Variants in KCNN1 observed in about 807,000 individuals in gnomAD.
KCNN1 encodes small conductance calcium-activated potassium channel protein 1.
KCNN1 carries 20 observed loss-of-function variants against 44.7 expected under a neutral mutation model. The ratio of observed to expected loss-of-function variants is 0.45; its 90% confidence interval spans 0.32 to 0.65. The LOEUF is 0.65. Among genes scored for constraint, KCNN1 ranks in the 30% least tolerant of loss-of-function variants. The pLI is 0.05. For synonymous variants in KCNN1, 324 were observed against 341.7 expected (o/e 0.95, Z 0.57); for missense variants, 632 against 785.3 (o/e 0.80, Z 2.33).
In KCNN1 at chr19:17,974,167, G is replaced by C; in HGVS notation, c.279G>C (p.Leu93=). ...SGKPSNVGHR[L]GHRRALFEKR... ...AACCCTCAAATGTGGGCCACCGCCT[G>C]GGCCACCGGCGGGCGCTCTTCGAGA... The change falls in exon 2 of 10, where the codon CTG becomes CTC. Residue 93 remains leucine, a synonymous_variant. Coordinates refer to ENST00000684775, the MANE Select transcript of KCNN1 (RefSeq NM_001386974.1). This position sits in a 1 kb window ranked among gnomAD's most constrained non-coding sequence, Gnocchi z 7.3. 3 of 1,613,706 alleles carry C rather than the reference G, an allele frequency of 1.9e-6. No homozygotes were observed. The highest frequency in any genetic ancestry group is 2.5e-6 in the Non-Finnish European group (3 of 1,179,880).
intron 4 of KCNN1, among the ~76,000 whole-genome samples, chr19:17,982,351 G>A (rs2032447508): frequency 6.6e-6 from 1 of 152,008 alleles, no homozygotes; most frequent in Admixed American, 6.6e-5. Context: ...CCCTCAACCA[G>A]GGAGGGACCC....
chr19:17,953,708 G>GA (rs2145895121), intron 1 of KCNN1, among the ~76,000 whole-genome samples: 1 of 152,300 alleles, frequency 6.6e-6, no homozygotes, highest in Non-Finnish European at 1.5e-5. Context: ...TTGGAAGGGC[G>GA]AGGCAAGCTC....
intron 2 of KCNN1, among the ~76,000 whole-genome samples, chr19:17,957,180 A>AGAGGAGAGGG (rs1263469723): frequency 1.9e-5 from 2 of 103,930 alleles, no homozygotes; most frequent in African/African-American, 3.7e-5. Flanking sequence ...AGAGGGGAGG[A>AGAGGAGAGGG]GAGGAGAGGG....
At chr19:17,963,268 C>T (rs2031725976), upstream of KCNN1, among the ~76,000 whole-genome samples, 1 of 151,192 alleles carries the variant, frequency 6.6e-6, no homozygotes, top group Non-Finnish European at 1.5e-5. Flanking sequence ...CTGCCTCAGC[C>T]TCCCAAAGTG....
upstream of KCNN1, among the ~76,000 whole-genome samples, chr19:17,964,535 G>A (rs752244948): frequency 1.2e-4 from 18 of 152,334 alleles, no homozygotes; most frequent in South Asian, 2.1e-4. This position sits in a 1 kb window ranked among gnomAD's most constrained non-coding sequence, Gnocchi z 4.3. Context: ...CATGAGTCCC[G>A]GGGGCGTCTT....
chr19:17,961,185 CAAAAAAA>C (rs202142379), intron 2 of KCNN1, among the ~76,000 whole-genome samples: 2 of 91,394 alleles, frequency 2.2e-5, no homozygotes, highest in Admixed American at 2.5e-4. Context: ...GACTCTGACT[CAAAAAAA>C]AAAAAAAAAA....
At chr19:17,984,268 A>G (rs574568289) in intron 4 of KCNN1, among the ~76,000 whole-genome samples, 1 of 152,162 alleles carries the variant, frequency 6.6e-6, no homozygotes, top group Admixed American at 6.5e-5. Context: ...GCGGGAGTGA[A>G]GACCCCCAAA....
At chr19:17,958,688 G>T (rs1038184569) in intron 2 of KCNN1, among the ~76,000 whole-genome samples, 55 of 148,480 alleles carry the variant, frequency 3.7e-4, no homozygotes, top group Admixed American at 2.7e-4. Flanking sequence ...ATTTTCAATT[G>T]TATTTATTTA....
intron 4 of KCNN1, chr19:17,982,503 T>C: frequency 1.0e-6 from 1 of 971,228 alleles, no homozygotes; most frequent in Non-Finnish European, 1.2e-6. Context: ...CCGTCCCCTC[T>C]GTCTCCCATC....
Position 17,993,660 on chromosome 19 carries a change from T to C in KCNN1, c.1377+101T>C. The C allele has an allele frequency of 2.1e-6, 2 of 953,370 alleles. No homozygotes were observed. The highest frequency in any genetic ancestry group is 3.4e-6 in the Non-Finnish European group (2 of 590,578). 59.1% of individuals were successfully genotyped at this position (953,370 alleles called of 1,614,324 possible). ...GCCGGAGGAGGGCACAAGGACCCGC[T>C]GTGGGCTGAGTGCAGTGGCGGGCGG... On this transcript the variant is annotated intron_variant, in intron 9 of 9. Coordinates refer to ENST00000684775, the MANE Select transcript of KCNN1 (RefSeq NM_001386974.1). The surrounding 1 kb of genome is among the most constrained non-coding windows in gnomAD (Gnocchi z 4.5).
chr19:17,985,902 TC>T (rs1340584428), intron 5 of KCNN1, among the ~76,000 whole-genome samples: 1 of 152,182 alleles, frequency 6.6e-6, no homozygotes, highest in African/African-American at 2.4e-5. Context: ...TATGTGAGAA[TC>T]CCAGAACTGT....
At chr19:17,961,262 C>T (rs1235770817) in intron 2 of KCNN1, among the ~76,000 whole-genome samples, 1 of 151,082 alleles carries the variant, frequency 6.6e-6, no homozygotes, top group African/African-American at 2.4e-5. Context: ...ACCCCCTCTT[C>T]ATTTAACTAC....
intron 3 of KCNN1, among the ~76,000 whole-genome samples, chr19:17,979,529 G>T (rs146295311): frequency 7.7e-6 from 1 of 129,622 alleles, no homozygotes; most frequent in East Asian, 2.7e-4. Context: ...AAAATAGGGT[G>T]GGGGGTGGGG....
chr19:17,981,045 C>G (rs897905035), intron 3 of KCNN1, among the ~76,000 whole-genome samples: 2 of 151,386 alleles, frequency 1.3e-5, no homozygotes, highest in Non-Finnish European at 1.5e-5. Context: ...GGTGAAACCC[C>G]GTATCTACTA....
At chr19:17,971,307 G>A (rs553008692) in intron 1 of KCNN1, among the ~76,000 whole-genome samples, 1 of 152,256 alleles carries the variant, frequency 6.6e-6, no homozygotes, top group East Asian at 1.9e-4. Flanking sequence ...CCTGGCACAT[G>A]GGGGACCCCT....
chr19:17,975,051 G>A (rs1395031076), intron 2 of KCNN1, 41 bp from the exon 3 acceptor site: 24 of 1,546,248 alleles, frequency 1.6e-5, no homozygotes, highest in Admixed American at 8.4e-5. Context: ...CCGGCCCACC[G>A]CCTCCAGCGT....
chr19:17,978,120 A>G (rs1253929653), intron 3 of KCNN1, among the ~76,000 whole-genome samples: 1 of 148,820 alleles, frequency 6.7e-6, no homozygotes. Flanking sequence ...TCATATATGT[A>G]TACTTGTTTT....
chr19:17,993,115 G>A lies in KCNN1; in HGVS notation c.1307+53G>A. Reference sequence around the variant, plus strand: ...GGCTGGGAAATCGGGGGTGCATGGTGGTCACAGACAGGGGGTACACCCGGG... The same window carrying A: ...GGCTGGGAAATCGGGGGTGCATGGTAGTCACAGACAGGGGGTACACCCGGG... On this transcript the variant is annotated intron_variant, in intron 8 of 9. Transcript: ENST00000684775. The surrounding 1 kb of genome is among the most constrained non-coding windows in gnomAD (Gnocchi z 4.5). 6.2e-7 allele frequency: 1 copy of A among 1,610,214 alleles called. No homozygotes were observed. The highest frequency in any genetic ancestry group is 8.5e-7 in the Non-Finnish European group (1 of 1,177,144).
intron 4 of KCNN1, 141 bp from the exon 5 acceptor site, chr19:17,985,171 T>C: frequency 1.4e-6 from 1 of 735,216 alleles, no homozygotes; most frequent in Non-Finnish European, 2.1e-6. Flanking sequence ...GGTGCGCCTG[T>C]CCTGTACCCA....
Sources: gnomAD v4.1 joint callset for allele counts (sites outside exome capture counted in the v4.1 genomes callset) on GRCh38, gnomAD v4.1.1 for gene constraint, Gnocchi (gnomAD v3.1) non-coding constraint, MANE v1.5 for transcripts, NCBI Gene and HGNC (gene_info 2026-07-23, HGNC 2026-07-21) for gene names.